Variants in BSN observed in about 807,000 individuals in gnomAD.
BSN encodes protein bassoon.
A neutral mutation model predicts 264.8 loss-of-function variants in BSN; 57 were observed. The ratio of observed to expected loss-of-function variants is 0.22; its 90% confidence interval spans 0.17 to 0.27. The LOEUF is 0.27. BSN is among the 10% of genes least tolerant of loss of function. The probability of loss-of-function intolerance (pLI) is 1.00; values close to 1 mark genes in which losing one functional copy is unlikely to be tolerated. For synonymous variants in BSN, 2,059 were observed against 2,137.3 expected, an observed-to-expected ratio of 0.96 and a Z score of 1.01; for missense variants, 4,615 against 5,232.5, an observed-to-expected ratio of 0.88 and a Z score of 3.64.
At chr3:49,604,283 C>T (rs1016455747) in intron 1 of BSN, among the ~76,000 whole-genome samples, 1 of 152,050 alleles carries the variant, frequency 6.6e-6, no homozygotes, top group Non-Finnish European at 1.5e-5. Flanking sequence ...GATACATTCA[C>T]ATTGTTGTTT....
At position 49,642,853 on chromosome 3, in the gene BSN, G is replaced by A. The variant is rs752401518; in HGVS notation, c.1219G>A (p.Gly407Arg). 6.2e-7 allele frequency: 1 copy of A among 1,613,614 alleles called. No individual in the cohort carries two copies. Among genetic ancestry groups the A allele is most frequent in the South Asian group, 1.1e-5 (1 of 91,082 alleles). The change falls in exon 3 of 12, where the codon GGG becomes AGG. Residue 407 changes from glycine to arginine, a missense_variant. By Grantham distance (125) the Gly-to-Arg change is moderately radical. This residue lies in a region of BSN where 1,197 missense variants were observed against 1,348.0 expected (regional missense o/e 0.89). Transcript: ENST00000296452. This position sits in a 1 kb window ranked among gnomAD's most constrained non-coding sequence, Gnocchi z 7.0. Reference sequence around the variant, plus strand: ...ACCCTTGGGCTCAGGGCCCGGGCCTGGGCCAGCACCTGGAGCCAAAACTGA... The same window carrying A: ...ACCCTTGGGCTCAGGGCCCGGGCCTAGGCCAGCACCTGGAGCCAAAACTGA... ...PKPLGSGPGPGPAPGAKTEPG... is the reference protein window; with the variant it reads ...PKPLGSGPGPRPAPGAKTEPG...
chr3:49,654,332 T>C lies in BSN; in HGVS notation c.4776T>C (p.His1592=), dbSNP rs755811342. Residue 1592 remains histidine, a synonymous_variant, in exon 5 of 12, where the codon CAT becomes CAC. Coordinates refer to ENST00000296452, the MANE Select transcript of BSN (RefSeq NM_003458.4). The surrounding 1 kb of genome is among the most constrained non-coding windows in gnomAD (Gnocchi z 4.1). Reference sequence around the variant, plus strand: ...CTACTGAAACCCAGCCCACCACCCATGGCTACAGCCAGACAACACCTCCGA... The same window carrying C: ...CTACTGAAACCCAGCCCACCACCCACGGCTACAGCCAGACAACACCTCCGA... ...CSPTETQPTT[H]GYSQTTPPSV... is the part of the protein sequence containing the mutation. The C allele has an allele frequency of 2.4e-5, 38 of 1,613,368 alleles. No homozygotes were observed. Among genetic ancestry groups the C allele is most frequent in the Middle Eastern group, 1.6e-4 (1 of 6,080 alleles).
intron 3 of BSN, among the ~76,000 whole-genome samples, chr3:49,643,913 G>A (rs193053220): frequency 1.3e-5 from 2 of 152,300 alleles, no homozygotes; most frequent in African/African-American, 4.8e-5. Flanking sequence ...GGAGCAGGAG[G>A]CCCAGTGTAA....
chr3:49,662,149 G>C lies in BSN; in HGVS notation c.10304G>C (p.Arg3435Pro). 2.5e-6 allele frequency: 4 copies of C among 1,613,434 alleles called. No homozygotes were observed. The highest frequency in any genetic ancestry group is 3.4e-6 in the Non-Finnish European group (4 of 1,179,972). The change falls in exon 6 of 12, where the codon CGC (arginine) becomes CCC (proline). Residue 3435 changes from arginine to proline, a missense_variant. Physicochemically the swap from Arg to Pro is moderately radical, Grantham distance 103. Transcript: ENST00000296452. ...MSSRDAVEDD[R>P]IYGGSSRSRA... Reference sequence around the variant, plus strand: ...AGCCGGGACGCAGTGGAGGACGACCGCATTTATGGCGGGAGCAGCCGGTCC... The same window carrying C: ...AGCCGGGACGCAGTGGAGGACGACCCCATTTATGGCGGGAGCAGCCGGTCC...
At position 49,655,366 on chromosome 3, in the gene BSN, G is replaced by T; in HGVS notation, c.5810G>T (p.Ser1937Ile). ...GCAGATGCTGCCCCACCTGGCCAAAGCAGCAGCCCCTTCTATGGTCCCCGG... is the reference window on the plus strand; with the variant it reads ...GCAGATGCTGCCCCACCTGGCCAAATCAGCAGCCCCTTCTATGGTCCCCGG... ...SMADAAPPGQ[S>I]SSPFYGPRDP... Residue 1937 changes from serine (S) to isoleucine (I), a missense_variant, in exon 5 of 12, where the codon AGC becomes ATC. Physicochemically the swap from Ser to Ile is moderately radical, Grantham distance 142. Coordinates refer to ENST00000296452, the MANE Select transcript of BSN (RefSeq NM_003458.4). The T allele has an allele frequency of 6.3e-7, 1 of 1,591,244 alleles. No individual in the cohort carries two copies.
chr3:49,560,845 C>T (rs567729277), intron 1 of BSN, among the ~76,000 whole-genome samples: 5 of 152,236 alleles, frequency 3.3e-5, no homozygotes, highest in African/African-American at 9.6e-5. Flanking sequence ...CTGTACAGAT[C>T]GGGCTTCTAG....
intron 1 of BSN, among the ~76,000 whole-genome samples, chr3:49,589,082 AT>A (rs55919876): frequency 3.9e-4 from 51 of 132,444 alleles, no homozygotes; most frequent in Middle Eastern, 4.1e-3. Context: ...GCCTGGCTAA[AT>A]TTTTTTTTTT....
chr3:49,620,349 C>T (rs1191127895), intron 1 of BSN, among the ~76,000 whole-genome samples: 6 of 151,590 alleles, frequency 4.0e-5, no homozygotes, highest in Admixed American at 2.6e-4. Flanking sequence ...TGCTTGAACC[C>T]GGGAGGCGGA....
chr3:49,664,327 G>T (rs955183414), intron 8 of BSN, 96 bp from the exon 9 acceptor site: 2 of 1,516,116 alleles, frequency 1.3e-6, no homozygotes, highest in African/African-American at 1.4e-5. Flanking sequence ...ACCTTATAGG[G>T]TACCTGTGTT....
rs776447991 is a variant in BSN at position 49,657,327 on chromosome 3, G to A, written c.7771G>A (p.Asp2591Asn). The change falls in exon 5 of 12, where the codon GAT becomes AAT. Residue 2591 changes from aspartate to asparagine, a missense_variant. Around this residue, in one of 3 missense-constraint regions of BSN, gnomAD observed 3,415 missense variants for 3,866.4 expected, o/e 0.88. Coordinates refer to ENST00000296452, the MANE Select transcript of BSN (RefSeq NM_003458.4). ...CAGCAGCGTGCAGACAGACGATGAG[G>A]ATGGGGAGAGCCGCTACCTCTTGAG... Reference protein sequence around the residue: ...ADSSVQTDDEDGESRYLLSRR... With the variant: ...ADSSVQTDDENGESRYLLSRR... 4 of 1,613,512 alleles carry A rather than the reference G, an allele frequency of 2.5e-6. No homozygotes were observed. In the South Asian group the frequency reaches 3.3e-5, roughly 13 times the overall value.
At chr3:49,597,295 T>A (rs546923488) in intron 1 of BSN, among the ~76,000 whole-genome samples, 13 of 152,310 alleles carry the variant, frequency 8.5e-5, no homozygotes, top group African/African-American at 2.4e-4. Flanking sequence ...AATGTAGGAT[T>A]TTTTTCATTT....
Position 49,642,986 on chromosome 3 carries a change from C to A in BSN, c.1352C>A (p.Ala451Asp), listed in dbSNP as rs764934267. ...GRAEHQAASKAAAKPKTMPKE... is the reference protein window; with the variant it reads ...GRAEHQAASKDAAKPKTMPKE... ...GCAGAACATCAGGCAGCATCGAAGGCTGCTGCCAAGCCAAAGACCATGCCG... is the reference window on the plus strand; with the variant it reads ...GCAGAACATCAGGCAGCATCGAAGGATGCTGCCAAGCCAAAGACCATGCCG... Residue 451 changes from alanine (A) to aspartate (D), a missense_variant, in exon 3 of 12, where the codon GCT becomes GAT. By Grantham distance (126) the Ala-to-Asp change is moderately radical. Transcript: ENST00000296452. This position sits in a 1 kb window ranked among gnomAD's most constrained non-coding sequence, Gnocchi z 7.0. 13 of 1,613,926 alleles carry A rather than the reference C, an allele frequency of 8.1e-6. No homozygotes were observed. The South Asian group carries it at 1.4e-4, about 18-fold the overall frequency.
At chr3:49,564,061 A>T (rs1322093105) in intron 1 of BSN, among the ~76,000 whole-genome samples, 1 of 152,138 alleles carries the variant, frequency 6.6e-6, no homozygotes, top group African/African-American at 2.4e-5. Context: ...TCACTTCTCC[A>T]GCTCCTGTGG....
chr3:49,658,336 G>T, intron 5 of BSN, 140 bp downstream of exon 5: 1 of 1,061,038 alleles, frequency 9.4e-7, no homozygotes, highest in Non-Finnish European at 1.3e-6. Context: ...TCAATGAGCA[G>T]ATGCTCCCTG....
At chr3:49,555,271 G>T (rs1268490289) in intron 1 of BSN, among the ~76,000 whole-genome samples, 1 of 152,214 alleles carries the variant, frequency 6.6e-6, no homozygotes, top group Non-Finnish European at 1.5e-5. Flanking sequence ...AAGTGTCACT[G>T]CGAGGAACAG....
At chr3:49,586,650 A>G (rs2051940379) in intron 1 of BSN, among the ~76,000 whole-genome samples, 2 of 152,216 alleles carry the variant, frequency 1.3e-5, no homozygotes, top group African/African-American at 4.8e-5. Flanking sequence ...CCCCAGCACC[A>G]TTTATTGAAG....
intron 1 of BSN, among the ~76,000 whole-genome samples, chr3:49,577,620 A>G (rs1366421150): frequency 6.6e-6 from 1 of 150,828 alleles, no homozygotes; most frequent in Non-Finnish European, 1.5e-5. Context: ...GCTTACTGCA[A>G]CCTCCACCTC....
At chr3:49,579,496 G>C (rs930785548) in intron 1 of BSN, among the ~76,000 whole-genome samples, 1 of 151,884 alleles carries the variant, frequency 6.6e-6, no homozygotes, top group Non-Finnish European at 1.5e-5. Flanking sequence ...TCCGACTCCA[G>C]GGTTCAAGCA....
intron 3 of BSN, among the ~76,000 whole-genome samples, chr3:49,644,186 C>T (rs756290250): frequency 6.6e-6 from 1 of 152,188 alleles, no homozygotes; most frequent in Non-Finnish European, 1.5e-5. Flanking sequence ...AGGAGATGTT[C>T]GAGCCAAGGC....
Sources: gnomAD v4.1 joint callset for allele counts (sites outside exome capture counted in the v4.1 genomes callset) on GRCh38, gnomAD v4.1.1 for gene constraint, gnomAD v4.1.1 regional missense constraint, Gnocchi (gnomAD v3.1) non-coding constraint, MANE v1.5 for transcripts, NCBI Gene and HGNC (gene_info 2026-07-23, HGNC 2026-07-21) for gene names.